Variants in ROBO2 observed in about 807,000 individuals in gnomAD.
ROBO2 encodes the protein roundabout guidance receptor 2, also known as roundabout homolog 2.
Under a neutral mutation model 160.8 loss-of-function variants are expected in ROBO2, and 53 were observed. The ratio of observed to expected loss-of-function variants is 0.33; its 90% confidence interval spans 0.26 to 0.41. ROBO2 has a LOEUF of 0.41. ROBO2 is among the 10% of genes least tolerant of loss of function. ROBO2 has a pLI of 1.00. For synonymous variants in ROBO2, 664 were observed against 611.7 expected (o/e 1.09, Z -1.26); for missense variants, 1,577 against 1,722.4 (o/e 0.92, Z 1.49).
intron 2 of ROBO2, among the ~76,000 whole-genome samples, chr3:76,854,261 CTA>C (rs1559605857): frequency 6.6e-6 from 1 of 152,030 alleles, no homozygotes; most frequent in Non-Finnish European, 1.5e-5. Flanking sequence ...AACCTGCTCC[CTA>C]TTAATAGAAA....
At chr3:76,373,534 G>C (rs943279473) in intron 2 of ROBO2, among the ~76,000 whole-genome samples, 9 of 152,064 alleles carry the variant, frequency 5.9e-5, no homozygotes, top group Non-Finnish European at 7.4e-5. Context: ...GTATTGTATT[G>C]TGTTAAGATG....
At chr3:77,354,536 C>T (rs146636155) in intron 2 of ROBO2, among the ~76,000 whole-genome samples, 4 of 152,214 alleles carry the variant, frequency 2.6e-5, no homozygotes, top group South Asian at 2.1e-4. Flanking sequence ...AAACCAAAGG[C>T]CTAGTCTTAG....
intron 24 of ROBO2, among the ~76,000 whole-genome samples, chr3:77,639,398 A>T (rs2095314949): frequency 6.6e-6 from 1 of 152,170 alleles, no homozygotes. Flanking sequence ...TGTTATGGGG[A>T]AAAAACAAAG....
intron 2 of ROBO2, among the ~76,000 whole-genome samples, chr3:76,503,155 A>T (rs930486309): frequency 6.6e-6 from 1 of 152,170 alleles, no homozygotes; most frequent in Non-Finnish European, 1.5e-5. Flanking sequence ...AAGAACCTGG[A>T]GTTCAATATT....
chr3:76,637,074 A>C (rs1057451403), intron 2 of ROBO2, among the ~76,000 whole-genome samples: 8 of 151,648 alleles, frequency 5.3e-5, no homozygotes, highest in African/African-American at 2.0e-4. Flanking sequence ...GTGTGAAATA[A>C]ATGGGGGGCC....
chr3:77,350,137 A>C (rs1354688127), intron 2 of ROBO2, among the ~76,000 whole-genome samples: 1 of 151,588 alleles, frequency 6.6e-6, no homozygotes, highest in East Asian at 1.9e-4. Context: ...TGCCGTGTGC[A>C]GTGGCTCATG....
At chr3:77,294,741 T>G (rs1580799587) in intron 2 of ROBO2, among the ~76,000 whole-genome samples, 1 of 138,480 alleles carries the variant, frequency 7.2e-6, no homozygotes, top group East Asian at 2.1e-4. Context: ...GTTAAACGGG[T>G]AAGCTGAGGC....
intron 2 of ROBO2, among the ~76,000 whole-genome samples, chr3:76,316,514 A>G (rs2072044522): frequency 6.6e-6 from 1 of 152,088 alleles, no homozygotes; most frequent in East Asian, 1.9e-4. Flanking sequence ...TTCCCTGAAA[A>G]TCGCTGTTAT....
chr3:77,318,541 T>C (rs1052427280), intron 2 of ROBO2, among the ~76,000 whole-genome samples: 3 of 152,230 alleles, frequency 2.0e-5, no homozygotes, highest in African/African-American at 7.2e-5. Flanking sequence ...ACCAGAATTA[T>C]AACTAGCAAG....
At chr3:77,141,292 C>T (rs558793433) in intron 2 of ROBO2, among the ~76,000 whole-genome samples, 1 of 151,834 alleles carries the variant, frequency 6.6e-6, no homozygotes, top group Non-Finnish European at 1.5e-5. Flanking sequence ...AGCCCCCCCC[C>T]CTTGTAATAG....
chr3:76,823,011 A>G (rs1332142731), intron 2 of ROBO2, among the ~76,000 whole-genome samples: 4 of 152,142 alleles, frequency 2.6e-5, no homozygotes, highest in African/African-American at 9.6e-5. Flanking sequence ...CAAACTACAA[A>G]ACCTTGGGCA....
intron 2 of ROBO2, among the ~76,000 whole-genome samples, chr3:77,412,251 A>C (rs545625849): frequency 6.6e-6 from 1 of 152,306 alleles, no homozygotes; most frequent in Admixed American, 6.5e-5. Context: ...ACTGCCACTC[A>C]CACCAAGATT....
chr3:77,553,831 G>T (rs1463731804), intron 8 of ROBO2, among the ~76,000 whole-genome samples: 1 of 151,870 alleles, frequency 6.6e-6, no homozygotes, highest in Non-Finnish European at 1.5e-5. Flanking sequence ...GAGGAAAAAA[G>T]CCATCTTCAT....
chr3:76,271,024 C>A (rs1471692626), intron 2 of ROBO2, among the ~76,000 whole-genome samples: 1 of 152,024 alleles, frequency 6.6e-6, no homozygotes, highest in East Asian at 1.9e-4. Context: ...CAAAGTGTTA[C>A]AAATATTTCT....
At chr3:76,718,477 C>A (rs1407423402) in intron 2 of ROBO2, among the ~76,000 whole-genome samples, 2 of 152,186 alleles carry the variant, frequency 1.3e-5, no homozygotes, top group Non-Finnish European at 2.9e-5. Context: ...CTGCCTTCAC[C>A]CTTTCTTAGT....
intron 2 of ROBO2, among the ~76,000 whole-genome samples, chr3:76,650,797 C>T (rs539322753): frequency 6.6e-6 from 1 of 152,074 alleles, no homozygotes; most frequent in Non-Finnish European, 1.5e-5. Context: ...TCAGATATCA[C>T]GTAGGAAATA....
rs535645926 is a variant in ROBO2 at position 77,532,004 on chromosome 3, A to G, written c.934+9102A>G. Among the ~76,000 whole-genome samples the G allele has an allele frequency of 4.6e-5, 7 of 152,244 alleles. No homozygotes were observed. In the South Asian group the frequency reaches 1.2e-3, roughly 27 times the overall value. On this transcript the variant is annotated intron_variant, in intron 6 of 25. Transcript: ENST00000461745. ...ATGTTTTGATTAAATGGTAAGTTTA[A>G]AAAAGGCATTCTGTTTTATCTTCTA...
chr3:77,461,811 C>T (rs2082273444), intron 2 of ROBO2, among the ~76,000 whole-genome samples: 1 of 151,618 alleles, frequency 6.6e-6, no homozygotes, highest in African/African-American at 2.4e-5. Context: ...CACTGCAATC[C>T]TCTCCTCCTG....
chr3:77,113,235 A>G (rs1243867716), intron 2 of ROBO2, among the ~76,000 whole-genome samples: 1 of 152,156 alleles, frequency 6.6e-6, no homozygotes, highest in Non-Finnish European at 1.5e-5. Context: ...TGATAGAAAG[A>G]CTGATTTATT....
Sources: gnomAD v4.1 joint callset for allele counts (sites outside exome capture counted in the v4.1 genomes callset) on GRCh38, gnomAD v4.1.1 for gene constraint, MANE v1.5 for transcripts, NCBI Gene and HGNC (gene_info 2026-07-23, HGNC 2026-07-21) for gene names.